The following DLG2 variants were observed in gnomAD, a reference collection of about 807,000 sequenced individuals.
DLG2 encodes the protein disks large homolog 2.
Under a neutral mutation model 132.5 loss-of-function variants are expected in DLG2, and 45 were observed. The observed-to-expected ratio is 0.34, with a 90% CI of 0.27 to 0.44. The LOEUF is 0.44. Among genes scored for constraint, DLG2 ranks in the 20% least tolerant of loss-of-function variants. DLG2 has a pLI of 1.00. For missense variants in DLG2, 1,045 were observed against 1,196.9 expected, an observed-to-expected ratio of 0.87 and a Z score of 1.87; for synonymous variants, 424 against 419.6, an observed-to-expected ratio of 1.01 and a Z score of -0.13.
intron 6 of DLG2, among the ~76,000 whole-genome samples, chr11:84,731,456 GAGGT>G (rs1446539638): frequency 2.0e-5 from 3 of 151,976 alleles, no homozygotes; most frequent in Non-Finnish European, 4.4e-5. Flanking sequence ...TCTAAAAATG[GAGGT>G]AGGAAGGCAT....
At chr11:85,201,673 T>G (rs2081473619) in intron 4 of DLG2, among the ~76,000 whole-genome samples, 1 of 151,632 alleles carries the variant, frequency 6.6e-6, no homozygotes, top group South Asian at 2.1e-4. Flanking sequence ...ACCTATTTCC[T>G]CAATTTGCAG....
At chr11:85,285,491 C>A in intron 3 of DLG2, 126 bp from the exon 4 acceptor site, 2 of 789,990 alleles carry the variant, frequency 2.5e-6, no homozygotes, top group Non-Finnish European at 1.9e-6. Context: ...AAATATATAT[C>A]CCAAAGTAAA....
chr11:85,322,492 G>T (rs1040849743), intron 3 of DLG2, among the ~76,000 whole-genome samples: 2 of 152,076 alleles, frequency 1.3e-5, no homozygotes, highest in Admixed American at 1.3e-4. Context: ...ATCAACCTCA[G>T]ATTAGTGACT....
rs367543453 is a variant in DLG2, at chr11:85,477,451, T to C, written c.40+121206A>G. Among the ~76,000 whole-genome samples the C allele has an allele frequency of 1.0e-3, 158 of 152,290 alleles. 2 individuals carry two copies. In the Middle Eastern group the frequency reaches 0.014, roughly 13 times the overall value. On this transcript the variant is annotated intron_variant, in intron 3 of 27. Transcript: ENST00000376104. ...AAGAAATGGTCAATGAACTTGACCATAGGTAATAACCATGTATTCTACTAC... is the reference window on the plus strand; with the variant it reads ...AAGAAATGGTCAATGAACTTGACCACAGGTAATAACCATGTATTCTACTAC...
At chr11:84,166,451 T>G (rs982599490) in intron 8 of DLG2, among the ~76,000 whole-genome samples, 2 of 127,234 alleles carry the variant, frequency 1.6e-5, no homozygotes, top group Non-Finnish European at 3.1e-5. Context: ...GCAGTGAGCC[T>G]AGATAGTGCC....
chr11:85,492,464 A>G (rs1027435699), intron 3 of DLG2, among the ~76,000 whole-genome samples: 20 of 152,296 alleles, frequency 1.3e-4, no homozygotes, highest in Admixed American at 2.6e-4. Context: ...GTAAACTTTC[A>G]CATTCAAATC....
chr11:84,330,204 C>T (rs563329065), intron 7 of DLG2, among the ~76,000 whole-genome samples: 2 of 152,294 alleles, frequency 1.3e-5, no homozygotes, highest in South Asian at 4.1e-4. Flanking sequence ...TGCTTATGAA[C>T]AGAGACTCAA....
intron 17 of DLG2, among the ~76,000 whole-genome samples, chr11:83,793,527 T>C (rs2042080652): frequency 6.6e-6 from 1 of 152,198 alleles, no homozygotes. Flanking sequence ...ACATGTTTCA[T>C]CATTCTAGTC....
intron 6 of DLG2, among the ~76,000 whole-genome samples, chr11:84,844,280 CTTTT>C (rs998194431): frequency 6.7e-6 from 1 of 149,824 alleles, no homozygotes; most frequent in Non-Finnish European, 1.5e-5. Context: ...ACACACATTA[CTTTT>C]TTTTGCAGGG....
intron 16 of DLG2, among the ~76,000 whole-genome samples, chr11:83,842,976 G>A (rs1209015205): frequency 2.0e-5 from 3 of 152,110 alleles, no homozygotes; most frequent in African/African-American, 7.2e-5. Flanking sequence ...TGGGTAGTGG[G>A]AATTAAGATA....
chr11:84,645,104 T>C (rs554556309), intron 6 of DLG2, among the ~76,000 whole-genome samples: 9 of 152,142 alleles, frequency 5.9e-5, no homozygotes, highest in South Asian at 2.1e-4. Context: ...ACTTTCAAAA[T>C]TGGATAAAGA....
intron 4 of DLG2, among the ~76,000 whole-genome samples, chr11:85,206,289 T>G (rs1004472258): frequency 6.6e-6 from 1 of 152,160 alleles, no homozygotes; most frequent in East Asian, 1.9e-4. Flanking sequence ...ACCTATTTTC[T>G]TTATAAATTA....
At chr11:84,526,813 C>G (rs1241579509) in intron 7 of DLG2, among the ~76,000 whole-genome samples, 5 of 127,168 alleles carry the variant, frequency 3.9e-5, no homozygotes, top group Non-Finnish European at 7.9e-5. Context: ...GAGTCTTGCT[C>G]TGTCGCCCAG....
chr11:84,980,153 T>C (rs76924740), intron 6 of DLG2, among the ~76,000 whole-genome samples: 2,083 of 152,312 alleles, frequency 0.014, 48 homozygotes, highest in African/African-American at 0.047. Flanking sequence ...TCAGTTGTAA[T>C]ACTTAAAGCC....
rs1329929755 is a variant in DLG2, at chr11:85,570,142, AC to A, written c.40+28514del. Among the ~76,000 whole-genome samples, 3 of 152,198 alleles carry A rather than the reference AC, an allele frequency of 2.0e-5. No homozygotes were observed. The East Asian group carries it at 5.8e-4, about 29-fold the overall frequency. On this transcript the variant is annotated intron_variant, in intron 3 of 27. Coordinates refer to ENST00000376104, the MANE Select transcript of DLG2 (RefSeq NM_001142699.3). ...AAAAGTTAAAATGTTTTTTAAAAAA[AC>A]AAATTTTGAAAAACTTGCATCACCC...
At chr11:85,214,037 C>T (rs1194748470) in intron 4 of DLG2, among the ~76,000 whole-genome samples, 4 of 152,142 alleles carry the variant, frequency 2.6e-5, no homozygotes, top group Non-Finnish European at 5.9e-5. Context: ...TCCTCCTTCT[C>T]ATTATAGTAG....
At chr11:84,649,882 G>C (rs999773276) in intron 6 of DLG2, among the ~76,000 whole-genome samples, 3 of 152,124 alleles carry the variant, frequency 2.0e-5, no homozygotes, top group Admixed American at 6.5e-5. Flanking sequence ...TCCAAACTCA[G>C]ACCTGCTCTT....
intron 7 of DLG2, among the ~76,000 whole-genome samples, chr11:84,473,039 T>C (rs2099112591): frequency 6.6e-6 from 1 of 151,898 alleles, no homozygotes. Context: ...ACTTAGAGTG[T>C]GTCTAGTCTA....
intron 6 of DLG2, among the ~76,000 whole-genome samples, chr11:84,575,143 T>C (rs547229218): frequency 1.2e-4 from 19 of 152,300 alleles, no homozygotes; most frequent in Middle Eastern, 6.8e-3. Flanking sequence ...AACCAGATCT[T>C]ATCACCGGCT....
Sources: gnomAD v4.1 joint callset for allele counts (sites outside exome capture counted in the v4.1 genomes callset) on GRCh38, gnomAD v4.1.1 for gene constraint, MANE v1.5 for transcripts, NCBI Gene and HGNC (gene_info 2026-07-23, HGNC 2026-07-21) for gene names.